Variants in TUBB3 observed in about 807,000 individuals in gnomAD.
TUBB3 encodes the protein tubulin beta-3 chain.
TUBB3 carries 17 observed loss-of-function variants against 37.8 expected under a neutral mutation model. The ratio of observed to expected loss-of-function variants is 0.45; its 90% CI spans 0.31 to 0.67. TUBB3 has a LOEUF of 0.67. TUBB3 is among the 30% of genes least tolerant of loss of function. The pLI is 0.07. For synonymous variants in TUBB3, 332 were observed against 278.9 expected (o/e 1.19, Z -1.90); for missense variants, 262 against 657.9 (o/e 0.40, Z 6.58).
chr16:89,934,516 C>A, intron 3 of TUBB3: 2 of 651,720 alleles, frequency 3.1e-6, no homozygotes, highest in Non-Finnish European at 5.6e-6. Context: ...GTTCTCAAGA[C>A]TCTGTCCAGA....
At chr16:89,933,350 A>G in intron 2 of TUBB3, 118 bp from the exon 3 acceptor site, 2 of 890,210 alleles carry the variant, frequency 2.2e-6, no homozygotes, top group South Asian at 1.3e-5. Flanking sequence ...CTGACTTCAG[A>G]GTACAGGCTC....
chr16:89,928,547 C>T (rs1447672164), intron 1 of TUBB3, among the ~76,000 whole-genome samples: 29 of 142,994 alleles, frequency 2.0e-4, no homozygotes, highest in African/African-American at 6.3e-4. Context: ...TTTTTTGAGG[C>T]GGAGTCTCTA....
intron 1 of TUBB3, among the ~76,000 whole-genome samples, chr16:89,924,221 C>T (rs779101570): frequency 6.6e-6 from 1 of 152,214 alleles, no homozygotes; most frequent in Non-Finnish European, 1.5e-5. Flanking sequence ...GATGTTGGGG[C>T]CACGCAGAAA....
chr16:89,923,738 C>T lies in TUBB3; in HGVS notation c.57+280C>T, dbSNP rs190101610. On this transcript the variant is annotated intron_variant, in intron 1 of 3. Transcript: ENST00000315491. ...CACCTGCGCCCCCTCCACACCTGCA[C>T]CCCCTCCACCGGGCCTCCGCAGGTG... is the stretch of plus-strand genomic sequence containing the variant. Among the ~76,000 whole-genome samples, 45 of 152,296 alleles carry T rather than the reference C, an allele frequency of 3.0e-4. 1 individual carries two copies. In the East Asian group the frequency reaches 7.5e-3, roughly 26 times the overall value.
intron 1 of TUBB3, among the ~76,000 whole-genome samples, chr16:89,926,025 G>A (rs888697880): frequency 1.3e-5 from 2 of 152,090 alleles, no homozygotes; most frequent in Non-Finnish European, 2.9e-5. Flanking sequence ...AAAGCCGAGC[G>A]GCCGCCTGCA....
At chr16:89,924,244 C>A (rs973261330) in intron 1 of TUBB3, among the ~76,000 whole-genome samples, 4 of 152,230 alleles carry the variant, frequency 2.6e-5, no homozygotes, top group African/African-American at 9.6e-5. Context: ...GGCGTTGGTG[C>A]AGCTGTGCAG....
At position 89,932,343 on chromosome 16, in the gene TUBB3, C is replaced by A. The variant is rs564982558; in HGVS notation, c.58-228C>A. On this transcript the variant is annotated intron_variant, in intron 1 of 3. Transcript: ENST00000315491. ...GGTGTGGGTCTGTTGAACCTTGGCC[C>A]ACCCTGGGGCTGTGGTCGGCCTGGA... is the stretch of plus-strand genomic sequence containing the variant. Among the ~76,000 whole-genome samples, 210 of 152,336 alleles carry A rather than the reference C, an allele frequency of 1.4e-3. 2 individuals carry two copies. Among genetic ancestry groups the A allele is most frequent in the African/African-American group, 4.8e-3 (200 of 41,578 alleles).
At chr16:89,925,026 C>A in intron 1 of TUBB3, among the ~76,000 whole-genome samples, 1 of 151,960 alleles carries the variant, frequency 6.6e-6, no homozygotes, top group African/African-American at 2.4e-5. Context: ...AGCCCTGGGG[C>A]CCACCTGGGG....
rs2030397923 is a variant in TUBB3, at chr16:89,934,852, A to G, written c.401A>G (p.Gln134Arg). 6.2e-7 allele frequency: 1 copy of G among 1,613,992 alleles called. No individual in the cohort carries two copies. The highest frequency in any genetic ancestry group is 8.5e-7 in the Non-Finnish European group (1 of 1,180,022). Residue 134 changes from glutamine (Q) to arginine (R), a missense_variant, in exon 4 of 4, where the codon CAG becomes CGG. By Grantham distance (43) the Gln-to-Arg change is conservative. This residue lies in a region of TUBB3 where 165 missense variants were observed against 556.8 expected (regional missense o/e 0.30). Coordinates refer to ENST00000315491, the MANE Select transcript of TUBB3 (RefSeq NM_006086.4). Reference protein sequence around the residue: ...CENCDCLQGFQLTHSLGGGTG... With the variant: ...CENCDCLQGFRLTHSLGGGTG... ...AACTGCGACTGCCTGCAGGGCTTCC[A>G]GCTGACCCACTCGCTGGGGGGCGGC...
intron 3 of TUBB3, chr16:89,934,421 A>G (rs1409856570): frequency 5.4e-6 from 3 of 558,950 alleles, no homozygotes; most frequent in Non-Finnish European, 1.0e-5. Context: ...TGCCAGTCGG[A>G]AGGAAGGTAT....
intron 1 of TUBB3, among the ~76,000 whole-genome samples, chr16:89,926,045 G>T (rs557636924): frequency 1.3e-5 from 2 of 151,976 alleles, no homozygotes; most frequent in African/African-American, 2.4e-5. Flanking sequence ...AGTCACCCCG[G>T]GGGGGGCAGG....
At chr16:89,934,338 G>A (rs560582990) in intron 3 of TUBB3, 3 of 485,502 alleles carry the variant, frequency 6.2e-6, no homozygotes, top group South Asian at 4.6e-5. Flanking sequence ...AGCACATCCA[G>A]CTGGTAGATG....
In TUBB3 at chr16:89,936,017, C is replaced by G. The variant is rs190989681; in HGVS notation, c.*213C>G. 1 of 634,114 alleles carries G rather than the reference C, an allele frequency of 1.6e-6. No homozygotes were observed. Among genetic ancestry groups the G allele is most frequent in the Admixed American group, 3.0e-5 (1 of 33,888 alleles). The allele number at this position is 634,114 out of a possible 1,614,324, so 39.3% of individuals were successfully genotyped here. A position where few individuals can be genotyped will look rare whatever the true frequency, so the allele number is the denominator to read the frequency against. On this transcript the variant is annotated 3_prime_UTR_variant, in exon 4 of 4. Transcript: ENST00000315491. ...TGTCTTATTGCAGCTCCAGGCCTGA[C>G]GTTTTACGGTTTTGTTTTTTACTGG...
At chr16:89,930,171 C>A (rs1475910783) in intron 1 of TUBB3, among the ~76,000 whole-genome samples, 5 of 151,788 alleles carry the variant, frequency 3.3e-5, no homozygotes, top group African/African-American at 9.7e-5. Context: ...GTGGCGCGAT[C>A]TCGACTCACC....
At chr16:89,934,698 C>A in intron 3 of TUBB3, 31 bp from the exon 4 acceptor site, 1 of 1,608,656 alleles carries the variant, frequency 6.2e-7, no homozygotes, top group Non-Finnish European at 8.5e-7. Context: ...GTCCCTGGCC[C>A]CTGTCTCTTA....
rs777734748 is a variant in TUBB3 at position 89,935,528 on chromosome 16, C to T, written c.1077C>T (p.Arg359=). The change falls in exon 4 of 4, where the codon CGC becomes CGT. Residue 359 remains arginine (R), a synonymous_variant. Coordinates refer to ENST00000315491, the MANE Select transcript of TUBB3 (RefSeq NM_006086.4). ...VKVAVCDIPP[R]GLKMSSTFIG... ...TGGCCGTGTGTGACATCCCGCCCCG[C>T]GGCCTCAAGATGTCCTCCACCTTCA... is the stretch of plus-strand genomic sequence containing the variant. The T allele has an allele frequency of 1.9e-5, 30 of 1,614,200 alleles. No individual in the cohort carries two copies. The highest frequency in any genetic ancestry group is 2.2e-5 in the Non-Finnish European group (26 of 1,180,052).
intron 2 of TUBB3, chr16:89,932,886 G>C: frequency 1.6e-6 from 1 of 616,444 alleles, no homozygotes. Context: ...ACAAAAGTGA[G>C]AGCCAAACAT....
upstream of TUBB3, chr16:89,922,235 G>C (rs1055385268): frequency 4.6e-5 from 7 of 152,484 alleles, no homozygotes; most frequent in African/African-American, 1.7e-4. Flanking sequence ...ACCGGACACA[G>C]GCGTCCACAG....
intron 1 of TUBB3, 108 bp downstream of exon 1, chr16:89,923,566 A>C: frequency 9.2e-7 from 1 of 1,087,094 alleles, no homozygotes; most frequent in African/African-American, 1.7e-5. Context: ...AACCTGCAAC[A>C]AAGGGATGCG....
Sources: gnomAD v4.1 joint callset for allele counts (sites outside exome capture counted in the v4.1 genomes callset) on GRCh38, gnomAD v4.1.1 for gene constraint, gnomAD v4.1.1 regional missense constraint, MANE v1.5 for transcripts, NCBI Gene and HGNC (gene_info 2026-07-23, HGNC 2026-07-21) for gene names.